Variants in ZNF704 observed in about 807,000 individuals in gnomAD.
The protein encoded by ZNF704 is glucocorticoid induced gene 1.
A neutral mutation model predicts 44.7 loss-of-function variants in ZNF704; 10 were observed. That is an observed-to-expected ratio of 0.22 (90% CI 0.14 to 0.38). The LOEUF is 0.38. Ranked by LOEUF, ZNF704 falls within the 10% of genes least tolerant of loss-of-function variation. The pLI is 1.00. For synonymous variants in ZNF704, 211 were observed against 207.6 expected, an observed-to-expected ratio of 1.02 and a Z score of -0.14; for missense variants, 390 against 545.5, an observed-to-expected ratio of 0.71 and a Z score of 2.84.
chr8:80,652,332 A>G (rs1483409047), intron 7 of ZNF704, among the ~76,000 whole-genome samples: 2 of 151,696 alleles, frequency 1.3e-5, no homozygotes, highest in Non-Finnish European at 3.0e-5. Flanking sequence ...CAGAACTGAA[A>G]GAAATAGAGA....
chr8:80,781,250 A>G (rs1447415468), intron 2 of ZNF704, among the ~76,000 whole-genome samples: 8 of 152,290 alleles, frequency 5.3e-5, no homozygotes, highest in African/African-American at 1.9e-4. Context: ...CATTAACACA[A>G]GAGTGGGCAA....
At chr8:80,828,464 G>A (rs1376144185) in intron 1 of ZNF704, among the ~76,000 whole-genome samples, 1 of 152,170 alleles carries the variant, frequency 6.6e-6, no homozygotes, top group Non-Finnish European at 1.5e-5. Flanking sequence ...GTAATCTGGA[G>A]CCTCACTAAT....
Position 80,664,986 on chromosome 8 carries a change from G to A in ZNF704, c.756C>T (p.Ser252=). The change falls in exon 6 of 9, where the codon AGC becomes AGT. Residue 252 remains serine, a synonymous_variant. Transcript: ENST00000327835. ...ACTGGGAAGGTGAGACCGGGGCCAG[G>A]CTGCTCAGCCCGTCTGCCACTGAGT... ...NTDSVADGLS[S]LAPVSPSQSL... is the part of the protein sequence containing the mutation. The A allele has an allele frequency of 6.2e-7, 1 of 1,614,246 alleles. No homozygotes were observed. Among genetic ancestry groups the A allele is most frequent in the Non-Finnish European group, 8.5e-7 (1 of 1,180,046 alleles).
At chr8:80,758,158 C>A (rs1478374502) in intron 2 of ZNF704, among the ~76,000 whole-genome samples, 1 of 152,190 alleles carries the variant, frequency 6.6e-6, no homozygotes, top group African/African-American at 2.4e-5. Context: ...TATTTCCAGT[C>A]TCAAGTATAA....
In ZNF704 at chr8:80,794,864, T is replaced by G. The variant is rs79194165; in HGVS notation, c.221+26510A>C. ...AGAGAAACTCTAGGATTATTTTCCC[T>G]GTCTGGTTTCTATGATGCCATGAGT... On this transcript the variant is annotated intron_variant, in intron 2 of 8. Coordinates refer to ENST00000327835, the MANE Select transcript of ZNF704 (RefSeq NM_001033723.3). 4.8e-3 allele frequency among the ~76,000 whole-genome samples: 735 copies of G among 152,342 alleles called. 7 individuals carry two copies. Among genetic ancestry groups the G allele is most frequent in the African/African-American group, 0.017 (705 of 41,576 alleles).
intron 1 of ZNF704, among the ~76,000 whole-genome samples, chr8:80,848,329 A>G (rs1359557133): frequency 2.6e-5 from 4 of 152,204 alleles, no homozygotes; most frequent in African/African-American, 9.6e-5. Flanking sequence ...TGGGGGTCAC[A>G]TGACTCCACA....
At chr8:80,665,285 C>A (rs141245727) in intron 5 of ZNF704, among the ~76,000 whole-genome samples, 27 of 152,300 alleles carry the variant, frequency 1.8e-4, no homozygotes, top group African/African-American at 5.8e-4. Context: ...TTCATTAATT[C>A]ATTCACTCAT....
At chr8:80,854,853 T>C (rs534982488) in intron 1 of ZNF704, among the ~76,000 whole-genome samples, 17 of 152,346 alleles carry the variant, frequency 1.1e-4, no homozygotes, top group African/African-American at 3.8e-4. Flanking sequence ...TGTTTGACTA[T>C]TATTTTTAAT....
At chr8:80,691,072 C>A (rs895221195) in intron 3 of ZNF704, among the ~76,000 whole-genome samples, 1 of 151,728 alleles carries the variant, frequency 6.6e-6, no homozygotes, top group Non-Finnish European at 1.5e-5. Flanking sequence ...TGTTGTTGGG[C>A]AATACTGATT....
At chr8:80,798,858 T>A (rs1807851257) in intron 2 of ZNF704, among the ~76,000 whole-genome samples, 1 of 152,248 alleles carries the variant, frequency 6.6e-6, no homozygotes, top group South Asian at 2.1e-4. Context: ...AGGAATTTAT[T>A]TCTTACAGTT....
intron 2 of ZNF704, among the ~76,000 whole-genome samples, chr8:80,741,596 A>G (rs944651827): frequency 1.3e-5 from 2 of 152,218 alleles, no homozygotes; most frequent in Admixed American, 6.5e-5. Context: ...TCAGACAACC[A>G]TTAGCTTAAA....
chr8:80,771,021 G>A (rs1333492627), intron 2 of ZNF704, among the ~76,000 whole-genome samples: 1 of 152,122 alleles, frequency 6.6e-6, no homozygotes, highest in Non-Finnish European at 1.5e-5. Flanking sequence ...TCAAAAACCA[G>A]TTAGGCTCAT....
intron 1 of ZNF704, among the ~76,000 whole-genome samples, chr8:80,827,484 T>C (rs1808398218): frequency 2.0e-5 from 3 of 152,056 alleles, no homozygotes; most frequent in Admixed American, 2.0e-4. Context: ...ATCATGAAAA[T>C]GGCCATACTG....
At chr8:80,659,479 G>A (rs1476878354) in intron 7 of ZNF704, 106 bp downstream of exon 7, 6 of 858,750 alleles carry the variant, frequency 7.0e-6, no homozygotes, top group Non-Finnish European at 1.2e-5. Context: ...AGTACTTCTG[G>A]CATTCTGATG....
chr8:80,793,267 A>C (rs1472498162), intron 2 of ZNF704, among the ~76,000 whole-genome samples: 1 of 152,176 alleles, frequency 6.6e-6, no homozygotes. Context: ...CGGGAGAAAA[A>C]GTGCGTGTGG....
At chr8:80,811,932 T>A (rs893539798) in intron 2 of ZNF704, among the ~76,000 whole-genome samples, 1 of 152,184 alleles carries the variant, frequency 6.6e-6, no homozygotes, top group Non-Finnish European at 1.5e-5. Context: ...AACCCTATTG[T>A]GAACTGCGCA....
At chr8:80,651,865 T>C (rs1306395127) in intron 7 of ZNF704, among the ~76,000 whole-genome samples, 1 of 152,160 alleles carries the variant, frequency 6.6e-6, no homozygotes. Flanking sequence ...AGAATATACA[T>C]TCTTCTCAGC....
chr8:80,828,022 C>T (rs1295228184), intron 1 of ZNF704, among the ~76,000 whole-genome samples: 25 of 152,176 alleles, frequency 1.6e-4, no homozygotes, highest in Admixed American at 1.6e-3. Flanking sequence ...GCAAGGACTT[C>T]ATGACTAAAA....
chr8:80,791,334 T>C (rs1257145443), intron 2 of ZNF704, among the ~76,000 whole-genome samples: 1 of 152,226 alleles, frequency 6.6e-6, no homozygotes, highest in Non-Finnish European at 1.5e-5. Context: ...TAGCCATCCC[T>C]GTCCCTGCAG....
Sources: allele counts gnomAD v4.1 joint callset (sites outside exome capture counted in the v4.1 genomes callset), GRCh38; gene constraint gnomAD v4.1.1; transcripts MANE v1.5; gene names NCBI Gene and HGNC (gene_info 2026-07-23, HGNC 2026-07-21).